The following NDFIP2 variants were observed in gnomAD, a reference collection of about 807,000 sequenced individuals.
NDFIP2 encodes Nedd4 family interacting protein 2, also known as NEDD4 family-interacting protein 2.
NDFIP2 carries 19 observed loss-of-function variants against 36.0 expected under a neutral mutation model. That is an observed-to-expected ratio of 0.53 (90% CI 0.37 to 0.77). The LOEUF (loss-of-function observed/expected upper bound fraction) is 0.77. Among genes scored for constraint, NDFIP2 ranks in the 30% least tolerant of loss-of-function variants. The probability of loss-of-function intolerance (pLI) is 0.00; values close to 1 mark genes in which losing one functional copy is unlikely to be tolerated. For synonymous variants in NDFIP2, 181 were observed against 167.7 expected (o/e 1.08, Z -0.61); for missense variants, 446 against 435.8 (o/e 1.02, Z -0.21).
chr13:79,544,063 C>T (rs962881217), intron 5 of NDFIP2, among the ~76,000 whole-genome samples: 3 of 152,078 alleles, frequency 2.0e-5, no homozygotes, highest in African/African-American at 7.2e-5. Flanking sequence ...AGTTACTGCA[C>T]AAATATATGT....
chr13:79,533,442 G>A lies in NDFIP2; in HGVS notation c.607G>A (p.Glu203Lys). The A allele has an allele frequency of 6.3e-7, 1 of 1,599,492 alleles. No individual in the cohort carries two copies. Among genetic ancestry groups the A allele is most frequent in the Non-Finnish European group, 8.5e-7 (1 of 1,175,340 alleles). ...TGCTGCAATGGCAGCTGCAGCAGCA[G>A]AAACATCTCAAAGAGTAAGAAAATT... is the stretch of plus-strand genomic sequence containing the variant. Reference protein sequence around the residue: ...KAAAMAAAAAETSQRIQEEEC... With the variant: ...KAAAMAAAAAKTSQRIQEEEC... The change falls in exon 3 of 8, where the codon GAA becomes AAA. Residue 203 changes from glutamate to lysine, a missense_variant. By Grantham distance (56) the Glu-to-Lys change is moderately conservative. Transcript: ENST00000218652.
chr13:79,530,278 T>TA (rs552163471), intron 2 of NDFIP2, among the ~76,000 whole-genome samples: 46 of 150,776 alleles, frequency 3.1e-4, no homozygotes, highest in African/African-American at 8.5e-4. Context: ...GACAGCTATT[T>TA]AAAAAAAAAA....
intron 1 of NDFIP2, among the ~76,000 whole-genome samples, chr13:79,485,083 C>A (rs1268265884): frequency 6.6e-6 from 1 of 152,170 alleles, no homozygotes; most frequent in Non-Finnish European, 1.5e-5. Context: ...GCACGAACAT[C>A]AGCATATTTG....
chr13:79,554,183 T>C lies in NDFIP2; in HGVS notation c.*1670T>C, dbSNP rs1027386397. 4.6e-5 allele frequency: 7 copies of C among 151,812 alleles called. No individual in the cohort carries two copies. The highest frequency in any genetic ancestry group is 3.4e-3 in the Middle Eastern group (1 of 294). The allele number at this position is 151,812 out of a possible 1,614,324, so 9.4% of individuals were successfully genotyped here. On this transcript the variant is annotated 3_prime_UTR_variant, in exon 8 of 8. Coordinates refer to ENST00000218652, the MANE Select transcript of NDFIP2 (RefSeq NM_019080.3). ...ATTTTTATTGTTGTATTAAAGTACC[T>C]GTGTTACACCCCTTGAAGTAAGACA...
chr13:79,537,414 A>T (rs1471812853), intron 3 of NDFIP2, among the ~76,000 whole-genome samples: 4 of 152,114 alleles, frequency 2.6e-5, no homozygotes, highest in Non-Finnish European at 2.9e-5. Context: ...CCTGGCCTGG[A>T]CTGATGTTTT....
chr13:79,505,836 G>A lies in NDFIP2; in HGVS notation c.322-14974G>A, dbSNP rs114939156. ...ATGAATCATTGTAACCTCTAAACTGGGTTTCATTAGAAAATCATCACCTTA... is the reference window on the plus strand; with the variant it reads ...ATGAATCATTGTAACCTCTAAACTGAGTTTCATTAGAAAATCATCACCTTA... On this transcript the variant is annotated intron_variant, in intron 1 of 7. Coordinates refer to ENST00000218652, the MANE Select transcript of NDFIP2 (RefSeq NM_019080.3). Among the ~76,000 whole-genome samples, 5 of 151,656 alleles carry A rather than the reference G, an allele frequency of 3.3e-5. No individual in the cohort carries two copies. The South Asian group carries it at 6.2e-4, about 19-fold the overall frequency.
At chr13:79,529,339 T>A (rs1312425875) in intron 2 of NDFIP2, among the ~76,000 whole-genome samples, 1 of 152,224 alleles carries the variant, frequency 6.6e-6, no homozygotes, top group Non-Finnish European at 1.5e-5. Context: ...GTAGGGATTT[T>A]TTTTTTCTAT....
intron 2 of NDFIP2, among the ~76,000 whole-genome samples, chr13:79,525,587 T>C (rs1187793852): frequency 6.6e-6 from 1 of 152,216 alleles, no homozygotes; most frequent in Non-Finnish European, 1.5e-5. Context: ...ATACTTCAGT[T>C]GTAGATTTGA....
chr13:79,546,324 C>T (rs1875679221), intron 5 of NDFIP2, among the ~76,000 whole-genome samples: 1 of 152,110 alleles, frequency 6.6e-6, no homozygotes, highest in Admixed American at 6.5e-5. Context: ...TCTGATACTA[C>T]TTCTATCTAA....
At chr13:79,543,704 A>G (rs1286138260) in intron 5 of NDFIP2, 22 bp downstream of exon 5, 1 of 1,604,314 alleles carries the variant, frequency 6.2e-7, no homozygotes, top group African/African-American at 1.3e-5. Context: ...GATAGCCTGT[A>G]TCTCTTTTAT....
At chr13:79,537,181 C>T (rs1016844797) in intron 3 of NDFIP2, among the ~76,000 whole-genome samples, 2 of 152,084 alleles carry the variant, frequency 1.3e-5, no homozygotes, top group African/African-American at 2.4e-5. Flanking sequence ...AATCTCAGTT[C>T]AGTGCAACCT....
chr13:79,509,290 C>A (rs1873986406), intron 1 of NDFIP2, among the ~76,000 whole-genome samples: 2 of 151,844 alleles, frequency 1.3e-5, no homozygotes, highest in South Asian at 4.2e-4. Context: ...GGTAGGGGGG[C>A]AGTGGAGAGT....
chr13:79,541,881 C>A (rs1179070822), intron 4 of NDFIP2, among the ~76,000 whole-genome samples: 1 of 151,990 alleles, frequency 6.6e-6, no homozygotes, highest in African/African-American at 2.4e-5. Context: ...CCTCACATAA[C>A]CTAAAAAAAG....
At chr13:79,535,689 A>G (rs767283661) in intron 3 of NDFIP2, among the ~76,000 whole-genome samples, 34 of 152,198 alleles carry the variant, frequency 2.2e-4, no homozygotes, top group Non-Finnish European at 4.3e-4. Flanking sequence ...TGTGCAGAGT[A>G]TGAATGTTTG....
chr13:79,533,381 T>C lies in NDFIP2; in HGVS notation c.546T>C (p.Ser182=). The change falls in exon 3 of 8, where the codon TCT becomes TCC. Residue 182 remains serine, a synonymous_variant. Transcript: ENST00000218652. ...CACCTCCCTATAGCGTTGCTACCTC[T>C]CTTCCTACATACGATGAAGCTGAGA... ...PVPPPYSVAT[S]LPTYDEAEKA... is the part of the protein sequence containing the mutation. The C allele has an allele frequency of 4.3e-6, 7 of 1,612,300 alleles. No homozygotes were observed. The highest frequency in any genetic ancestry group is 1.1e-5 in the South Asian group (1 of 90,892).
At chr13:79,502,796 T>G (rs996657199) in intron 1 of NDFIP2, among the ~76,000 whole-genome samples, 1 of 152,040 alleles carries the variant, frequency 6.6e-6, no homozygotes, top group Non-Finnish European at 1.5e-5. Context: ...CATATATATT[T>G]CTTTTCAGGA....
intron 5 of NDFIP2, among the ~76,000 whole-genome samples, chr13:79,544,824 T>C (rs372651033): frequency 3.4e-4 from 52 of 152,160 alleles, no homozygotes; most frequent in Non-Finnish European, 6.3e-4. Flanking sequence ...TTAAAACTTA[T>C]AGCTTTCCAG....
intron 3 of NDFIP2, among the ~76,000 whole-genome samples, chr13:79,537,310 C>T (rs1459087958): frequency 6.6e-6 from 1 of 152,116 alleles, no homozygotes; most frequent in East Asian, 1.9e-4. Flanking sequence ...TGGGTTTCGC[C>T]ATGTTGGTCA....
intron 2 of NDFIP2, among the ~76,000 whole-genome samples, chr13:79,528,248 C>G (rs1182067637): frequency 2.0e-5 from 3 of 151,520 alleles, no homozygotes; most frequent in Non-Finnish European, 4.4e-5. Flanking sequence ...TGAGTGAGAC[C>G]TTGTCACACA....
Sources: gnomAD v4.1 joint callset for allele counts (sites outside exome capture counted in the v4.1 genomes callset) on GRCh38, gnomAD v4.1.1 for gene constraint, MANE v1.5 for transcripts, NCBI Gene and HGNC (gene_info 2026-07-23, HGNC 2026-07-21) for gene names.